EXOC4: variants seen among roughly 807,000 people sequenced by gnomAD.
EXOC4 encodes SEC8-like 1.
Under a neutral mutation model 107.2 loss-of-function variants are expected in EXOC4, and 71 were observed. The ratio of observed to expected loss-of-function variants is 0.66; its 90% CI spans 0.55 to 0.81. EXOC4 has a LOEUF of 0.81. EXOC4 is among the 30% of genes least tolerant of loss of function. EXOC4 has a pLI of 0.00. For missense variants in EXOC4, 1,108 were observed against 1,189.6 expected, an observed-to-expected ratio of 0.93 and a Z score of 1.01; for synonymous variants, 456 against 441.2, an observed-to-expected ratio of 1.03 and a Z score of -0.42.
intron 17 of EXOC4, among the ~76,000 whole-genome samples, chr7:134,048,782 C>G (rs147614407): frequency 6.6e-6 from 1 of 152,128 alleles, no homozygotes; most frequent in Non-Finnish European, 1.5e-5. Flanking sequence ...CCATCCTTCT[C>G]TCTTTGAGGT....
chr7:133,516,518 C>CT (rs1799878123), intron 9 of EXOC4, among the ~76,000 whole-genome samples: 2 of 152,126 alleles, frequency 1.3e-5, no homozygotes, highest in Non-Finnish European at 2.9e-5. Context: ...GCATTGGTCT[C>CT]TATTTCATTG....
intron 10 of EXOC4, among the ~76,000 whole-genome samples, chr7:133,679,913 A>G (rs1794151227): frequency 1.3e-5 from 2 of 152,346 alleles, no homozygotes; most frequent in South Asian, 4.1e-4. Flanking sequence ...TGGCTAACAA[A>G]TGATACTGTC....
intron 17 of EXOC4, among the ~76,000 whole-genome samples, chr7:134,040,738 A>G (rs1191599047): frequency 5.3e-5 from 8 of 152,236 alleles, no homozygotes; most frequent in African/African-American, 1.2e-4. Context: ...CTAAAGCTCA[A>G]TTAACAATAT....
rs1316993889 is a variant in EXOC4, at chr7:133,875,608, A to C, written c.1735-19991A>C. Among the ~76,000 whole-genome samples the C allele has an allele frequency of 1.7e-4, 26 of 152,188 alleles. 1 individual carries two copies. The highest frequency in any genetic ancestry group is 1.7e-3 in the Admixed American group (26 of 15,280). On this transcript the variant is annotated intron_variant, in intron 11 of 17. Coordinates refer to ENST00000253861, the MANE Select transcript of EXOC4 (RefSeq NM_021807.4). ...GGTCTACTGATGATCAGGAGGGTCC[A>C]GTCTTCACTTCCTGTCCTGACACCA...
chr7:133,882,712 T>C (rs1798991619), intron 11 of EXOC4, among the ~76,000 whole-genome samples: 1 of 152,022 alleles, frequency 6.6e-6, no homozygotes, highest in African/African-American at 2.4e-5. Flanking sequence ...TGCAGGAAGG[T>C]ACAAGGTCCT....
At chr7:133,371,049 T>C (rs1023015549) in intron 6 of EXOC4, among the ~76,000 whole-genome samples, 12 of 152,270 alleles carry the variant, frequency 7.9e-5, no homozygotes, top group Admixed American at 7.8e-4. Flanking sequence ...AAAAACCAAG[T>C]GAACTAAAAG....
chr7:134,091,131 T>C, the EXOC4 span, among the ~76,000 whole-genome samples: 1 of 152,184 alleles, frequency 6.6e-6, no homozygotes, highest in South Asian at 2.1e-4. Flanking sequence ...TTCTTGGATC[T>C]TGGGCAAGAA....
chr7:133,517,342 A>G (rs1799896140), intron 9 of EXOC4, among the ~76,000 whole-genome samples: 1 of 152,204 alleles, frequency 6.6e-6, no homozygotes, highest in Non-Finnish European at 1.5e-5. Flanking sequence ...TGAGATGGGA[A>G]AATGAAGCCT....
chr7:133,459,829 T>C (rs184096214), intron 7 of EXOC4, among the ~76,000 whole-genome samples: 2 of 152,332 alleles, frequency 1.3e-5, no homozygotes, highest in East Asian at 3.9e-4. Flanking sequence ...AGACATATCA[T>C]TTAAATACAT....
intron 17 of EXOC4, among the ~76,000 whole-genome samples, chr7:134,052,472 GGACT>G (rs1160388174): frequency 6.6e-6 from 1 of 151,734 alleles, no homozygotes; most frequent in East Asian, 1.9e-4. Context: ...CAAGAGGGAA[GGACT>G]GATTTTTTTT....
chr7:133,908,302 T>C (rs1343834749), intron 12 of EXOC4, among the ~76,000 whole-genome samples: 1 of 152,254 alleles, frequency 6.6e-6, no homozygotes, highest in Non-Finnish European at 1.5e-5. Flanking sequence ...AATTAGATTC[T>C]CTGCCTTTCA....
intron 10 of EXOC4, among the ~76,000 whole-genome samples, chr7:133,638,019 A>C (rs1802755301): frequency 6.6e-6 from 1 of 152,162 alleles, no homozygotes; most frequent in Non-Finnish European, 1.5e-5. Flanking sequence ...GTTTCTCATG[A>C]GAAACAGTAG....
At chr7:133,930,245 A>T (rs1800146640) in intron 13 of EXOC4, among the ~76,000 whole-genome samples, 1 of 152,178 alleles carries the variant, frequency 6.6e-6, no homozygotes, top group African/African-American at 2.4e-5. Context: ...CTGGCAGAAA[A>T]ACTGCATACC....
chr7:133,272,844 C>T (rs1640965269), intron 1 of EXOC4, among the ~76,000 whole-genome samples: 2 of 152,154 alleles, frequency 1.3e-5, no homozygotes, highest in African/African-American at 4.8e-5. Flanking sequence ...TCCTAATGAT[C>T]CAGTAATGTG....
At chr7:133,425,298 G>A (rs955244009) in intron 7 of EXOC4, among the ~76,000 whole-genome samples, 1 of 152,092 alleles carries the variant, frequency 6.6e-6, no homozygotes, top group South Asian at 2.1e-4. Flanking sequence ...TTTTTTGTTC[G>A]TTTGTTTGAG....
At chr7:133,762,696 T>TA (rs1456011394) in intron 10 of EXOC4, among the ~76,000 whole-genome samples, 1 of 152,132 alleles carries the variant, frequency 6.6e-6, no homozygotes, top group African/African-American at 2.4e-5. Context: ...TAGTGTTATA[T>TA]AATTAAAATT....
intron 14 of EXOC4, among the ~76,000 whole-genome samples, chr7:133,952,827 C>A (rs1305700864): frequency 6.6e-6 from 1 of 152,220 alleles, no homozygotes; most frequent in Non-Finnish European, 1.5e-5. Context: ...TTAGCACTCC[C>A]TTCTTTTTTG....
At chr7:133,676,771 A>G (rs1360793472) in intron 10 of EXOC4, among the ~76,000 whole-genome samples, 1 of 151,886 alleles carries the variant, frequency 6.6e-6, no homozygotes. Context: ...TGAGCTATTT[A>G]TTTTCCTATT....
At chr7:133,972,112 A>G (rs1801255949) in intron 14 of EXOC4, among the ~76,000 whole-genome samples, 1 of 152,268 alleles carries the variant, frequency 6.6e-6, no homozygotes, top group Non-Finnish European at 1.5e-5. Context: ...GCTAATTAGA[A>G]AACTACCATC....
Sources: allele counts gnomAD v4.1 joint callset (sites outside exome capture counted in the v4.1 genomes callset), GRCh38; gene constraint gnomAD v4.1.1; transcripts MANE v1.5; gene names NCBI Gene and HGNC (gene_info 2026-07-23, HGNC 2026-07-21).